The following TFEC variants were observed in gnomAD, a reference collection of about 807,000 sequenced individuals.
The protein encoded by TFEC is class E basic helix-loop-helix protein 34.
A neutral mutation model predicts 41.6 loss-of-function variants in TFEC; 31 were observed. The ratio of observed to expected loss-of-function variants is 0.74; its 90% CI spans 0.56 to 1.01. The LOEUF (loss-of-function observed/expected upper bound fraction) is 1.01, where lower values mean the gene tolerates loss of function less well. Ranked by LOEUF, TFEC falls within the 50% of genes least tolerant of loss-of-function variation. The pLI, the probability that TFEC is intolerant of heterozygous loss-of-function variation, is 0.00. For synonymous variants in TFEC, 143 were observed against 140.6 expected (o/e 1.02, Z -0.12); for missense variants, 402 against 404.1 (o/e 0.99, Z 0.04).
intron 3 of TFEC, among the ~76,000 whole-genome samples, chr7:116,042,797 C>G (rs745369548): frequency 4.6e-5 from 7 of 152,110 alleles, no homozygotes; most frequent in African/African-American, 7.2e-5. Flanking sequence ...ATTAAGAAAT[C>G]TCTTTAATTC....
chr7:116,085,268 G>T (rs1431960110), intron 3 of TFEC, among the ~76,000 whole-genome samples: 1 of 151,830 alleles, frequency 6.6e-6, no homozygotes, highest in Non-Finnish European at 1.5e-5. Context: ...CTATGAAAAG[G>T]AGTTATATTT....
chr7:115,988,401 A>C (rs1793953854), intron 1 of TFEC, among the ~76,000 whole-genome samples: 1 of 152,156 alleles, frequency 6.6e-6, no homozygotes, highest in Non-Finnish European at 1.5e-5. Context: ...GAATACAAAA[A>C]TCAAAAACAC....
chr7:115,973,398 ATATT>A (rs1307358304), intron 3 of TFEC, among the ~76,000 whole-genome samples: 1 of 151,984 alleles, frequency 6.6e-6, no homozygotes, highest in East Asian at 1.9e-4. Flanking sequence ...TTTAAATTAA[ATATT>A]TAAAGTAACA....
intron 3 of TFEC, among the ~76,000 whole-genome samples, chr7:116,063,425 T>C (rs1796616854): frequency 6.6e-6 from 1 of 152,076 alleles, no homozygotes; most frequent in Non-Finnish European, 1.5e-5. Context: ...AAGACTAGCC[T>C]GGCCAACATG....
At position 115,940,680 on chromosome 7, in the gene TFEC, A is replaced by T; in HGVS notation, c.915T>A (p.Asp305Glu). The T allele has an allele frequency of 6.2e-7, 1 of 1,613,630 alleles. No individual in the cohort carries two copies. The highest frequency in any genetic ancestry group is 8.5e-7 in the Non-Finnish European group (1 of 1,179,660). ...SAALKEEQRL[D>E]GMLLDDTISP... The stretch of plus-strand genomic sequence containing the variant: ...AGATTGTGTCATCCAATAGCATGCC[A>T]TCCAATCTTTGTTCCTCTTTCAATG... Residue 305 changes from aspartate (D) to glutamate (E), a missense_variant, in exon 8 of 8, where the codon GAT becomes GAA. By Grantham distance (45) the Asp-to-Glu change is conservative (BLOSUM62 2). Coordinates refer to ENST00000265440, the MANE Select transcript of TFEC (RefSeq NM_012252.4).
At chr7:115,942,805 G>T (rs1793571621) in intron 6 of TFEC, among the ~76,000 whole-genome samples, 1 of 151,910 alleles carries the variant, frequency 6.6e-6, no homozygotes, top group Non-Finnish European at 1.5e-5. Context: ...TGTGGAAGAG[G>T]CTACTGATTT....
chr7:116,101,689 G>T (rs1797608930), intron 3 of TFEC, among the ~76,000 whole-genome samples: 1 of 149,250 alleles, frequency 6.7e-6, no homozygotes, highest in African/African-American at 2.5e-5. Context: ...GACCTTGGGG[G>T]GAGTTGGGGC....
chr7:115,965,990 G>T (rs779577180), intron 3 of TFEC, among the ~76,000 whole-genome samples: 1 of 150,998 alleles, frequency 6.6e-6, no homozygotes, highest in South Asian at 2.1e-4. Flanking sequence ...CCTAAATTAT[G>T]TTCCCCGCCA....
chr7:116,119,064 CT>C (rs897822884), intron 1 of TFEC, among the ~76,000 whole-genome samples: 1 of 151,852 alleles, frequency 6.6e-6, no homozygotes, highest in Non-Finnish European at 1.5e-5. Context: ...CAGCATTGAT[CT>C]TTAGAAAGTC....
Position 115,984,347 on chromosome 7 carries a change from G to C in TFEC, c.95C>G (p.Thr32Ser). 4 of 1,614,136 alleles carry C rather than the reference G, an allele frequency of 2.5e-6. No individual in the cohort carries two copies. The African/African-American group carries it at 5.3e-5, about 22-fold the overall frequency. ...GGPLVQHAHT[T>S]LDSDAGLTEN... ...TGTGAGGCCAGCATCACTGTCCAGA[G>C]TTGTGTGTGCATGCTGCACAAGAGG... Residue 32 changes from threonine (T) to serine (S), a missense_variant, in exon 2 of 8, where the codon ACT becomes AGT. By Grantham distance (58) the Thr-to-Ser change is moderately conservative. Coordinates refer to ENST00000265440, the MANE Select transcript of TFEC (RefSeq NM_012252.4).
intron 2 of TFEC, among the ~76,000 whole-genome samples, chr7:115,980,879 CTCT>C (rs1700726464): frequency 6.6e-6 from 1 of 151,920 alleles, no homozygotes; most frequent in South Asian, 2.1e-4. Flanking sequence ...AATGAATACT[CTCT>C]TATTTTTGTT....
intron 3 of TFEC, among the ~76,000 whole-genome samples, chr7:116,081,367 C>T (rs1007132981): frequency 1.3e-4 from 20 of 151,926 alleles, no homozygotes; most frequent in African/African-American, 4.8e-4. Context: ...TCACAATGTA[C>T]CAAACACCAA....
intron 3 of TFEC, among the ~76,000 whole-genome samples, chr7:116,051,150 G>A (rs1463841817): frequency 6.6e-6 from 1 of 152,146 alleles, no homozygotes; most frequent in African/African-American, 2.4e-5. Flanking sequence ...CCTGTCTTGG[G>A]GTTGGGGGAA....
At chr7:116,076,344 G>A (rs1314712527) in intron 3 of TFEC, among the ~76,000 whole-genome samples, 1 of 151,970 alleles carries the variant, frequency 6.6e-6, no homozygotes, top group East Asian at 1.9e-4. Context: ...AAACAATTCT[G>A]GTAATATGAC....
chr7:116,020,203 T>C (rs118007202), intron 1 of TFEC, among the ~76,000 whole-genome samples: 1,821 of 152,290 alleles, frequency 0.012, 16 homozygotes, highest in Non-Finnish European at 0.018. Context: ...TGAGTCTTTG[T>C]TCCTAATCAC....
chr7:116,006,706 G>C (rs962301504), intron 1 of TFEC, among the ~76,000 whole-genome samples: 1 of 152,142 alleles, frequency 6.6e-6, no homozygotes, highest in Non-Finnish European at 1.5e-5. Context: ...GACTGGCTTT[G>C]AAATATGAAG....
intron 6 of TFEC, among the ~76,000 whole-genome samples, chr7:115,948,502 G>A (rs1791737380): frequency 6.6e-6 from 1 of 152,120 alleles, no homozygotes; most frequent in African/African-American, 2.4e-5. Flanking sequence ...TATCCACCAT[G>A]ATCAAGTGGG....
chr7:116,060,639 T>C (rs1004039913), intron 3 of TFEC, among the ~76,000 whole-genome samples: 6 of 152,066 alleles, frequency 3.9e-5, no homozygotes, highest in Non-Finnish European at 7.4e-5. Flanking sequence ...ATGTTTTCAC[T>C]TACAAGTGGG....
At chr7:115,996,372 T>C (rs531424232) in intron 1 of TFEC, among the ~76,000 whole-genome samples, 3 of 152,180 alleles carry the variant, frequency 2.0e-5, no homozygotes, top group African/African-American at 7.2e-5. Context: ...GATCCAGTCA[T>C]GGCAGGATCT....
Sources: gnomAD v4.1 joint callset for allele counts (sites outside exome capture counted in the v4.1 genomes callset) on GRCh38, gnomAD v4.1.1 for gene constraint, MANE v1.5 for transcripts, NCBI Gene and HGNC (gene_info 2026-07-23, HGNC 2026-07-21) for gene names.